The following CDYL variants were observed in gnomAD, a reference collection of about 807,000 sequenced individuals.
CDYL encodes chromodomain Y like.
Under a neutral mutation model 47.3 loss-of-function variants are expected in CDYL, and 8 were observed. The ratio of observed to expected loss-of-function variants is 0.17; its 90% CI spans 0.10 to 0.31. The LOEUF (loss-of-function observed/expected upper bound fraction) is 0.31, where lower values mean the gene tolerates loss of function less well. Ranked by LOEUF, CDYL falls within the 10% of genes least tolerant of loss-of-function variation. The pLI is 1.00. For synonymous variants in CDYL, 266 were observed against 265.0 expected (o/e 1.00, Z -0.04); for missense variants, 471 against 701.4 (o/e 0.67, Z 3.71).
At chr6:4,773,284 T>C (rs1194111020), upstream of CDYL, 1 of 448,954 alleles carries the variant, frequency 2.2e-6, no homozygotes, top group African/African-American at 2.0e-5. The surrounding 1 kb of genome is among the most constrained non-coding windows in gnomAD (Gnocchi z 4.6). Context: ...GTCTTACTAG[T>C]GCATGGTATT....
At chr6:4,946,357 A>G (rs1401641218) in intron 5 of CDYL, among the ~76,000 whole-genome samples, 1 of 151,736 alleles carries the variant, frequency 6.6e-6, no homozygotes, top group Non-Finnish European at 1.5e-5. Context: ...TTTTTTTTCT[A>G]CACCAGGGGG....
At chr6:4,858,138 C>T (rs771663466) in intron 1 of CDYL, among the ~76,000 whole-genome samples, 3 of 152,120 alleles carry the variant, frequency 2.0e-5, no homozygotes, top group Non-Finnish European at 4.4e-5. Context: ...CTTGTTCATC[C>T]ACTTTCTTTC....
chr6:4,806,631 C>T (rs983235590), intron 1 of CDYL, among the ~76,000 whole-genome samples: 5 of 150,944 alleles, frequency 3.3e-5, no homozygotes, highest in Admixed American at 1.3e-4. Flanking sequence ...GAATGCCTTT[C>T]TTCTGTTCCA....
At chr6:4,747,558 C>T (rs547656009) in intron 3 of CDYL, among the ~76,000 whole-genome samples, 158 of 152,268 alleles carry the variant, frequency 1.0e-3, no homozygotes, top group African/African-American at 3.4e-3. Flanking sequence ...CTTTGCTTTT[C>T]GTGCACAGAT....
chr6:4,895,726 C>T (rs911048001), intron 2 of CDYL, among the ~76,000 whole-genome samples: 1 of 152,104 alleles, frequency 6.6e-6, no homozygotes, highest in African/African-American at 2.4e-5. Context: ...AAATGAACTG[C>T]AGCCCTCGCC....
chr6:4,855,587 T>G (rs1760982369), intron 1 of CDYL, among the ~76,000 whole-genome samples: 1 of 152,206 alleles, frequency 6.6e-6, no homozygotes, highest in Non-Finnish European at 1.5e-5. Flanking sequence ...TTCCATTTGG[T>G]GGAAGGACCA....
chr6:4,949,315 C>T (rs551907178), intron 5 of CDYL, among the ~76,000 whole-genome samples: 2 of 152,334 alleles, frequency 1.3e-5, no homozygotes, highest in African/African-American at 2.4e-5. Context: ...CCCACGCTCA[C>T]ACCTTGAGAG....
intron 2 of CDYL, among the ~76,000 whole-genome samples, chr6:4,907,333 A>C (rs570322016): frequency 6.6e-6 from 1 of 152,320 alleles, no homozygotes; most frequent in African/African-American, 2.4e-5. Flanking sequence ...TTGCTCTAAT[A>C]CAGCTTTTTT....
At chr6:4,948,022 A>AC (rs1758583297) in intron 5 of CDYL, among the ~76,000 whole-genome samples, 2 of 152,136 alleles carry the variant, frequency 1.3e-5, no homozygotes, top group African/African-American at 2.4e-5. Flanking sequence ...ACCTGACACC[A>AC]CCAGACTCCC....
At chr6:4,744,557 A>G (rs1757854567) in intron 3 of CDYL, among the ~76,000 whole-genome samples, 1 of 152,192 alleles carries the variant, frequency 6.6e-6, no homozygotes, top group African/African-American at 2.4e-5. Context: ...AAATCAAGGA[A>G]AAGTCCAGAG....
chr6:4,886,366 C>A (rs1463972216), intron 1 of CDYL, among the ~76,000 whole-genome samples: 7 of 152,164 alleles, frequency 4.6e-5, no homozygotes, highest in Non-Finnish European at 1.0e-4. Flanking sequence ...CATGACAGTT[C>A]CCATTCCTTT....
intron 2 of CDYL, among the ~76,000 whole-genome samples, chr6:4,723,955 G>A (rs1038038607): frequency 4.6e-5 from 7 of 152,200 alleles, no homozygotes; most frequent in South Asian, 2.1e-4. Context: ...TGAGCCCTGG[G>A]GATTAAAAGA....
At chr6:4,732,715 T>A (rs1343825228) in intron 2 of CDYL, among the ~76,000 whole-genome samples, 2 of 151,244 alleles carry the variant, frequency 1.3e-5, no homozygotes, top group African/African-American at 4.9e-5. Context: ...CCCTTCAATT[T>A]TGAGGGGAAA....
At chr6:4,934,057 A>G (rs6911937) in intron 2 of CDYL, among the ~76,000 whole-genome samples, 103,859 of 152,118 alleles carry the variant, frequency 0.68, 36,078 homozygotes, top group Middle Eastern at 0.88. Context: ...AAGCAAGACA[A>G]CAATGTATAA....
intron 1 of CDYL, among the ~76,000 whole-genome samples, chr6:4,856,349 A>T (rs927791704): frequency 6.6e-6 from 1 of 152,184 alleles, no homozygotes; most frequent in African/African-American, 2.4e-5. Flanking sequence ...GAGTGAAGTG[A>T]AGAGGTCGGC....
chr6:4,867,709 A>T (rs1175127422), intron 1 of CDYL, among the ~76,000 whole-genome samples: 1 of 151,034 alleles, frequency 6.6e-6, no homozygotes, highest in Non-Finnish European at 1.5e-5. Context: ...TCTGTTGCTG[A>T]ATTTGGTTTG....
chr6:4,890,902 G>A (rs1309500432), intron 1 of CDYL, among the ~76,000 whole-genome samples: 3 of 152,202 alleles, frequency 2.0e-5, no homozygotes, highest in Non-Finnish European at 2.9e-5. Context: ...CTTCAGTAAC[G>A]TATGGAGGCA....
intron 2 of CDYL, among the ~76,000 whole-genome samples, chr6:4,925,663 A>G (rs1212819849): frequency 1.3e-5 from 2 of 152,024 alleles, no homozygotes; most frequent in East Asian, 1.9e-4. Flanking sequence ...TGATCCGCCC[A>G]CCTCGGCCTC....
chr6:4,776,828 C>CG, intron 1 of CDYL, 21 bp downstream of exon 1: 3 of 965,948 alleles, frequency 3.1e-6, no homozygotes, highest in Non-Finnish European at 3.7e-6. Flanking sequence ...TCCCCCCGGC[C>CG]TCGGGCCGCC....
Sources: allele counts gnomAD v4.1 joint callset (sites outside exome capture counted in the v4.1 genomes callset), GRCh38; gene constraint gnomAD v4.1.1; non-coding constraint Gnocchi (gnomAD v3.1); transcripts MANE v1.5; gene names NCBI Gene and HGNC (gene_info 2026-07-23, HGNC 2026-07-21).